CHD6: variants seen among roughly 807,000 people sequenced by gnomAD.
CHD6 encodes ATP-dependent chromatin remodeler CHD6.
Under a neutral mutation model 276.9 loss-of-function variants are expected in CHD6, and 50 were observed. The ratio of observed to expected loss-of-function variants is 0.18; its 90% confidence interval spans 0.14 to 0.23. The LOEUF (loss-of-function observed/expected upper bound fraction) is 0.23, where lower values mean the gene tolerates loss of function less well. Among genes scored for constraint, CHD6 ranks in the 10% least tolerant of loss-of-function variants. The pLI is 1.00. For synonymous variants in CHD6, 1,173 were observed against 1,229.3 expected, an observed-to-expected ratio of 0.95 and a Z score of 0.96; for missense variants, 2,564 against 3,365.8, an observed-to-expected ratio of 0.76 and a Z score of 5.89.
At chr20:41,423,730 G>C in intron 29 of CHD6, 30 bp from the exon 30 acceptor site, 5 of 1,563,830 alleles carry the variant, frequency 3.2e-6, no homozygotes, top group Non-Finnish European at 4.4e-6. Context: ...GGAAGAGTGA[G>C]CTCTTTCTTC....
At chr20:41,485,809 T>C (rs1476499226) in intron 14 of CHD6, 1 of 152,090 alleles carries the variant, frequency 6.6e-6, no homozygotes, top group Non-Finnish European at 1.5e-5. Context: ...CAATGTACAG[T>C]ATTTCTGAAG....
intron 2 of CHD6, among the ~76,000 whole-genome samples, chr20:41,537,125 T>C (rs925831744): frequency 3.3e-5 from 5 of 152,180 alleles, no homozygotes; most frequent in East Asian, 1.9e-4. Context: ...ATGTGAAATA[T>C]AGTAATTAAG....
At chr20:41,580,287 A>G (rs2045522287) in intron 1 of CHD6, among the ~76,000 whole-genome samples, 1 of 152,122 alleles carries the variant, frequency 6.6e-6, no homozygotes. Flanking sequence ...AATCCAAAAT[A>G]TTGTACCTTA....
intron 1 of CHD6, among the ~76,000 whole-genome samples, chr20:41,554,991 C>A (rs1462785053): frequency 6.7e-6 from 1 of 150,192 alleles, no homozygotes; most frequent in Non-Finnish European, 1.5e-5. Flanking sequence ...CCGGACGGGG[C>A]GGCTGGCCGG....
intron 25 of CHD6, among the ~76,000 whole-genome samples, chr20:41,442,453 TA>T (rs1226395162): frequency 2.6e-5 from 4 of 151,908 alleles, no homozygotes; most frequent in African/African-American, 9.7e-5. Flanking sequence ...CCCTGTCTCT[TA>T]AAAAAAATTC....
intron 1 of CHD6, among the ~76,000 whole-genome samples, chr20:41,578,372 C>T (rs1313529299): frequency 1.3e-5 from 2 of 151,994 alleles, no homozygotes; most frequent in African/African-American, 2.4e-5. Context: ...TGGTGTATAG[C>T]GAATAAATGA....
chr20:41,484,418 T>A lies in CHD6; in HGVS notation c.2191A>T (p.Met731Leu). 6.2e-7 allele frequency: 1 copy of A among 1,613,876 alleles called. No individual in the cohort carries two copies. The highest frequency in any genetic ancestry group is 8.5e-7 in the Non-Finnish European group (1 of 1,179,830). Residue 731 changes from methionine (M) to leucine (L), a missense_variant, in exon 15 of 37, where the codon ATG becomes TTG. Around this residue, in one of 7 missense-constraint regions of CHD6, gnomAD observed 457 missense variants for 889.0 expected, o/e 0.51. Transcript: ENST00000373233. ...FLTKGANQHNMPNLINTMMEL... is the reference protein window; with the variant it reads ...FLTKGANQHNLPNLINTMMEL... Reference sequence around the variant, plus strand: ...ATCATGGTGTTGATGAGATTGGGCATGTTGTGCTGATTTGCCCCCTTGGTC... The same window carrying A: ...ATCATGGTGTTGATGAGATTGGGCAAGTTGTGCTGATTTGCCCCCTTGGTC...
At chr20:41,563,045 C>T (rs1053415751) in intron 1 of CHD6, among the ~76,000 whole-genome samples, 3 of 152,218 alleles carry the variant, frequency 2.0e-5, no homozygotes, top group African/African-American at 4.8e-5. Flanking sequence ...TAAGACTCTA[C>T]TCCTCAAAAG....
At chr20:41,476,331 C>G (rs929825855) in intron 16 of CHD6, among the ~76,000 whole-genome samples, 1 of 151,894 alleles carries the variant, frequency 6.6e-6, no homozygotes, top group Non-Finnish European at 1.5e-5. Context: ...CAAGTATCAA[C>G]AAGCAGCAGG....
chr20:41,601,567 C>T (rs2045773817), intron 1 of CHD6, among the ~76,000 whole-genome samples: 1 of 152,158 alleles, frequency 6.6e-6, no homozygotes. Flanking sequence ...GAAAGGTATG[C>T]TCCTGAAGCT....
At position 41,404,832 on chromosome 20, in the gene CHD6, G is replaced by A. The variant is rs1265759382; in HGVS notation, c.7909C>T (p.Pro2637Ser). 1.2e-6 allele frequency: 2 copies of A among 1,613,824 alleles called. No homozygotes were observed. Among genetic ancestry groups the A allele is most frequent in the African/African-American group, 1.3e-5 (1 of 74,904 alleles). The change falls in exon 37 of 37, where the codon CCA becomes TCA. Residue 2637 changes from proline (P) to serine (S), a missense_variant. Pro to Ser is a moderately conservative substitution (Grantham distance 74). This residue lies in a region of CHD6 where 238 missense variants were observed against 266.0 expected (regional missense o/e 0.89). Transcript: ENST00000373233. The part of the protein sequence containing the change: ...FLSPGMGMAL[P>S]AMQQARHSEI... ...GAGTGTCTGGCCTGCTGCATGGCTG[G>A]CAGAGCCATGCCCATACCAGGGGAG...
intron 1 of CHD6, among the ~76,000 whole-genome samples, chr20:41,560,693 G>A (rs1224947796): frequency 6.6e-6 from 1 of 151,810 alleles, no homozygotes; most frequent in Non-Finnish European, 1.5e-5. Flanking sequence ...TACTGAAAAG[G>A]CTTTGAACTA....
Position 41,452,832 on chromosome 20 carries a change from T to G in CHD6, c.3231A>C (p.Glu1077Asp), listed in dbSNP as rs745986956. Residue 1077 changes from glutamate (E) to aspartate (D), a missense_variant, in exon 21 of 37, where the codon GAA becomes GAC. By Grantham distance (45) the Glu-to-Asp change is conservative. Around this residue, in one of 7 missense-constraint regions of CHD6, gnomAD observed 515 missense variants for 739.5 expected, o/e 0.70. Transcript: ENST00000373233. The surrounding 1 kb of genome is among the most constrained non-coding windows in gnomAD (Gnocchi z 4.2). The stretch of plus-strand genomic sequence containing the variant: ...TGAGGCGCCTGGATCTCGTGGGCCT[T>G]TCGTCTGAGTCGCTGTCTAACTCTG... ...EFSELDSDSD[E>D]RPTRSRRLND... 6.2e-7 allele frequency: 1 copy of G among 1,613,416 alleles called. No homozygotes were observed. The highest frequency in any genetic ancestry group is 1.1e-5 in the South Asian group (1 of 91,028).
In CHD6 at chr20:41,428,872, T is replaced by C. The variant is rs571735037; in HGVS notation, c.4069-2719A>G. On this transcript the variant is annotated intron_variant, in intron 27 of 36. Coordinates refer to ENST00000373233, the MANE Select transcript of CHD6 (RefSeq NM_032221.5). ...GGGCATAAGAATAATGCCTAACAGATGGGGAAATATGCTTTGTAAGTGTGA... is the reference window on the plus strand; with the variant it reads ...GGGCATAAGAATAATGCCTAACAGACGGGGAAATATGCTTTGTAAGTGTGA... Among the ~76,000 whole-genome samples the C allele has an allele frequency of 2.4e-3, 368 of 152,250 alleles. 3 individuals are homozygous for C. The highest frequency in any genetic ancestry group is 4.1e-3 in the Non-Finnish European group (278 of 67,998).
At chr20:41,570,850 A>C (rs1006886372) in intron 1 of CHD6, among the ~76,000 whole-genome samples, 1 of 152,102 alleles carries the variant, frequency 6.6e-6, no homozygotes, top group Non-Finnish European at 1.5e-5. Context: ...TTTCTTAACA[A>C]CCTCTGTTTT....
chr20:41,539,022 C>T (rs1418932286), intron 2 of CHD6, among the ~76,000 whole-genome samples: 1 of 152,142 alleles, frequency 6.6e-6, no homozygotes, highest in African/African-American at 2.4e-5. Flanking sequence ...CCAGATACGC[C>T]GCAGTGACTC....
At chr20:41,521,315 AT>A (rs2044388257) in intron 3 of CHD6, among the ~76,000 whole-genome samples, 1 of 152,064 alleles carries the variant, frequency 6.6e-6, no homozygotes, top group Non-Finnish European at 1.5e-5. Context: ...CAATTCTGAA[AT>A]TTTTTTTCTT....
intron 17 of CHD6, among the ~76,000 whole-genome samples, chr20:41,471,596 C>T (rs964831276): frequency 4.0e-5 from 6 of 151,790 alleles, no homozygotes; most frequent in Admixed American, 3.9e-4. Context: ...AGTGCAGTGG[C>T]ACAATCTCGG....
At chr20:41,497,262 T>C (rs1006517059) in intron 8 of CHD6, 122 bp downstream of exon 8, 6 of 716,640 alleles carry the variant, frequency 8.4e-6, no homozygotes, top group Non-Finnish European at 1.5e-5. Flanking sequence ...CAGCACACAT[T>C]TATCAATTTG....
Sources: gnomAD v4.1 joint callset for allele counts (sites outside exome capture counted in the v4.1 genomes callset) on GRCh38, gnomAD v4.1.1 for gene constraint, gnomAD v4.1.1 regional missense constraint, Gnocchi (gnomAD v3.1) non-coding constraint, MANE v1.5 for transcripts, NCBI Gene and HGNC (gene_info 2026-07-23, HGNC 2026-07-21) for gene names.